Variants in CAST observed in about 807,000 individuals in gnomAD.
CAST encodes MIR583 host.
CAST carries 76 observed loss-of-function variants against 119.6 expected under a neutral mutation model. The ratio of observed to expected loss-of-function variants is 0.64; its 90% CI spans 0.53 to 0.77. The LOEUF is 0.77. CAST is among the 30% of genes least tolerant of loss of function. The probability of loss-of-function intolerance (pLI) is 0.00; values close to 1 mark genes in which losing one functional copy is unlikely to be tolerated. For synonymous variants in CAST, 319 were observed against 331.6 expected (o/e 0.96, Z 0.41); for missense variants, 953 against 946.5 (o/e 1.01, Z -0.09).
At chr5:96,619,638 G>A (rs879085842) in intron 1 of CAST, among the ~76,000 whole-genome samples, 2 of 152,194 alleles carry the variant, frequency 1.3e-5, no homozygotes, top group African/African-American at 2.4e-5. Flanking sequence ...AAGGTCTACA[G>A]CTTCACTCCT....
chr5:96,472,699 G>GCAACC, the CAST span, among the ~76,000 whole-genome samples: 6 of 152,054 alleles, frequency 3.9e-5, no homozygotes, highest in Non-Finnish European at 7.4e-5. Context: ...AATGGCTTTA[G>GCAACC]GTCTGACTTG....
chr5:96,040,647 T>A, the CAST span, among the ~76,000 whole-genome samples: 22 of 152,324 alleles, frequency 1.4e-4, no homozygotes, highest in African/African-American at 4.8e-4. Context: ...GTTTTTGTCA[T>A]TGATTCTGTT....
the CAST span, among the ~76,000 whole-genome samples, chr5:96,378,746 T>C: frequency 6.6e-6 from 1 of 152,052 alleles, no homozygotes; most frequent in Non-Finnish European, 1.5e-5. Flanking sequence ...TATACTCTTA[T>C]TTATGAGTGT....
the CAST span, among the ~76,000 whole-genome samples, chr5:95,995,582 A>G: frequency 6.6e-6 from 1 of 152,180 alleles, no homozygotes; most frequent in East Asian, 1.9e-4. Flanking sequence ...TTGGATTGCT[A>G]TTGATTTCAG....
At chr5:96,016,616 T>G in the CAST span, among the ~76,000 whole-genome samples, 1 of 152,278 alleles carries the variant, frequency 6.6e-6, no homozygotes, top group East Asian at 1.9e-4. Flanking sequence ...TTTCTCAAAT[T>G]TATGTGCTAG....
chr5:96,048,944 G>A, the CAST span, among the ~76,000 whole-genome samples: 7 of 152,326 alleles, frequency 4.6e-5, no homozygotes, highest in African/African-American at 1.7e-4. Flanking sequence ...AAAGTCTGCA[G>A]CATGGAGATA....
the CAST span, chr5:96,408,100 G>A: frequency 1.4e-6 from 1 of 722,982 alleles, no homozygotes; most frequent in Non-Finnish European, 2.5e-6. Flanking sequence ...GCAGGAAAGA[G>A]CTTATCTTTA....
At chr5:96,312,010 T>A in the CAST span, among the ~76,000 whole-genome samples, 1 of 152,080 alleles carries the variant, frequency 6.6e-6, no homozygotes, top group African/African-American at 2.4e-5. Flanking sequence ...TCTCTTGCTG[T>A]CTTTCTTTGT....
chr5:96,286,371 G>A, the CAST span, among the ~76,000 whole-genome samples: 2 of 152,072 alleles, frequency 1.3e-5, no homozygotes, highest in Non-Finnish European at 2.9e-5. Flanking sequence ...TGAAAGAAGA[G>A]GTCGATGGAT....
chr5:96,210,377 G>T, the CAST span: 1 of 152,010 alleles, frequency 6.6e-6, no homozygotes, highest in Non-Finnish European at 1.5e-5. Flanking sequence ...TGAGGTGTAT[G>T]TTGAGGTTCA....
At chr5:96,047,130 A>G in the CAST span, among the ~76,000 whole-genome samples, 34 of 152,328 alleles carry the variant, frequency 2.2e-4, no homozygotes, top group African/African-American at 7.7e-4. Context: ...AATGTCAGAC[A>G]TATCGACAAA....
the CAST span, among the ~76,000 whole-genome samples, chr5:96,405,155 G>T: frequency 6.6e-6 from 1 of 152,116 alleles, no homozygotes; most frequent in Non-Finnish European, 1.5e-5. Context: ...TATGTACCTT[G>T]GCAGTAAGGA....
intron 1 of CAST, among the ~76,000 whole-genome samples, chr5:96,537,761 G>T (rs752259149): frequency 1.3e-5 from 2 of 152,086 alleles, no homozygotes; most frequent in Non-Finnish European, 2.9e-5. Flanking sequence ...ATTGTCACTC[G>T]GTCACTTGGG....
the CAST span, among the ~76,000 whole-genome samples, chr5:96,390,030 G>T: frequency 6.6e-6 from 1 of 152,162 alleles, no homozygotes; most frequent in Non-Finnish European, 1.5e-5. Context: ...TGTAAACTAA[G>T]TCCTATTTGG....
At chr5:95,992,348 G>A in the CAST span, among the ~76,000 whole-genome samples, 1 of 151,218 alleles carries the variant, frequency 6.6e-6, no homozygotes, top group African/African-American at 2.4e-5. Flanking sequence ...TATCAGTGAT[G>A]TTATGTGGAT....
chr5:96,286,370 AG>A, the CAST span, among the ~76,000 whole-genome samples: 4 of 152,176 alleles, frequency 2.6e-5, no homozygotes, highest in Non-Finnish European at 5.9e-5. Flanking sequence ...ATGAAAGAAG[AG>A]GTCGATGGAT....
Position 96,765,314 on chromosome 5 carries a change from G to C in CAST, c.2026G>C (p.Asp676His). The C allele has an allele frequency of 3.9e-5, 23 of 596,980 alleles. No individual in the cohort carries two copies. Among genetic ancestry groups the C allele is most frequent in the Non-Finnish European group, 5.5e-5 (22 of 399,224 alleles). The allele number at this position is 596,980 out of a possible 1,614,324, so 37.0% of individuals were successfully genotyped here. A position where few individuals can be genotyped will look rare whatever the true frequency, so the allele number is the denominator to read the frequency against. Residue 676 changes from aspartate (D) to histidine (H), a missense_variant, in exon 26 of 32, where the codon GAT (aspartate) becomes CAT (histidine). By Grantham distance (81) the Asp-to-His change is moderately conservative. Coordinates refer to ENST00000675179, the MANE Select transcript of CAST (RefSeq NM_001750.7). The part of the protein sequence containing the change: ...PDPDENKPME[D>H]KVKEKAKAEH... ...CCCAGATGAGAACAAACCAATGGAA[G>C]ATAAAGTAAAGGTAAAAAAAAAAAA...
chr5:96,662,450 G>A lies in CAST; in HGVS notation c.28G>A (p.Ala10Thr). Residue 10 changes from alanine to threonine, a missense_variant, in exon 1 of 32, where the codon GCC becomes ACC. Transcript: ENST00000675179. MSQPGQKPA[A>T]SPRPRRAAAA... is the part of the protein sequence containing the mutation. ...GTCCCAGCCCGGCCAGAAGCCCGCC[G>A]CCTCCCCGCGGCCCCGGCGAGCAGC... 6.9e-7 allele frequency: 1 copy of A among 1,438,978 alleles called. No individual in the cohort carries two copies. Among genetic ancestry groups the A allele is most frequent in the Middle Eastern group, 2.5e-4 (1 of 4,062 alleles). The allele number at this position is 1,438,978 out of a possible 1,614,324, so 89.1% of individuals were successfully genotyped here.
At chr5:96,633,654 C>T (rs940827965) in intron 1 of CAST, among the ~76,000 whole-genome samples, 1 of 152,188 alleles carries the variant, frequency 6.6e-6, no homozygotes, top group Admixed American at 6.5e-5. Context: ...TATTAAGGCC[C>T]TATTTATTTA....
Sources: gnomAD v4.1 joint callset for allele counts (sites outside exome capture counted in the v4.1 genomes callset) on GRCh38, gnomAD v4.1.1 for gene constraint, MANE v1.5 for transcripts, NCBI Gene and HGNC (gene_info 2026-07-23, HGNC 2026-07-21) for gene names.